SCOC: variants seen among roughly 807,000 people sequenced by gnomAD.
SCOC encodes short coiled coil protein.
In SCOC, 7 loss-of-function variants were observed where a neutral mutation model predicts 9.9. That is an observed-to-expected ratio of 0.71 (90% CI 0.40 to 1.33). The LOEUF is 1.33. Ranked by LOEUF, SCOC falls within the 40% of genes most tolerant of loss-of-function variation. The pLI is 0.01. For missense variants in SCOC, 66 were observed against 89.7 expected (o/e 0.74, Z 1.07); for synonymous variants, 19 against 28.2 (o/e 0.67, Z 1.03).
chr4:140,349,160 C>T (rs1726869702), intron 2 of SCOC, among the ~76,000 whole-genome samples: 1 of 152,176 alleles, frequency 6.6e-6, no homozygotes, highest in Non-Finnish European at 1.5e-5. Context: ...ATTGTGATGA[C>T]AGAATGACAA....
chr4:140,264,326 C>A (rs756611902), intron 1 of SCOC, among the ~76,000 whole-genome samples: 4 of 152,102 alleles, frequency 2.6e-5, no homozygotes, highest in Non-Finnish European at 5.9e-5. Flanking sequence ...AATGTGGGTT[C>A]TGGACTGCTT....
chr4:140,271,209 G>C (rs904504972), intron 1 of SCOC, among the ~76,000 whole-genome samples: 35 of 152,220 alleles, frequency 2.3e-4, no homozygotes, highest in Non-Finnish European at 4.7e-4. Context: ...GACGATGGAT[G>C]ATGGGCATTG....
chr4:140,259,831 A>G (rs1214521714), intron 1 of SCOC, among the ~76,000 whole-genome samples: 2 of 152,244 alleles, frequency 1.3e-5, no homozygotes, highest in Admixed American at 6.5e-5. Context: ...TCCATGAAGC[A>G]GCTCTTCAAT....
intron 1 of SCOC, chr4:140,314,401 T>C (rs1732248995): frequency 6.6e-6 from 1 of 152,578 alleles, no homozygotes; most frequent in Non-Finnish European, 1.5e-5. Context: ...AGGGTTGTTG[T>C]ACTGAAGCAG....
At chr4:140,289,132 G>A (rs1731393226) in intron 1 of SCOC, among the ~76,000 whole-genome samples, 1 of 152,126 alleles carries the variant, frequency 6.6e-6, no homozygotes, top group Non-Finnish European at 1.5e-5. Flanking sequence ...GTACTCCTTT[G>A]GGGACCAGAA....
At chr4:140,264,152 A>G (rs763769239) in intron 1 of SCOC, among the ~76,000 whole-genome samples, 1 of 152,142 alleles carries the variant, frequency 6.6e-6, no homozygotes, top group African/African-American at 2.4e-5. Flanking sequence ...GGCATGCACC[A>G]CCACGCCCAG....
chr4:140,272,963 C>G (rs28429900), intron 1 of SCOC, among the ~76,000 whole-genome samples: 1,649 of 152,356 alleles, frequency 0.011, 38 homozygotes, highest in African/African-American at 0.038. Context: ...GAAGGCCCCT[C>G]TTTTCTTACT....
intron 2 of SCOC, among the ~76,000 whole-genome samples, chr4:140,351,593 ATTG>A (rs1167267093): frequency 6.6e-6 from 1 of 151,908 alleles, no homozygotes; most frequent in East Asian, 1.9e-4. Context: ...AAGTGGCACA[ATTG>A]TTGTGTGCTT....
chr4:140,339,879 G>A (rs548529327), upstream of SCOC, among the ~76,000 whole-genome samples: 8 of 152,310 alleles, frequency 5.3e-5, no homozygotes, highest in South Asian at 2.1e-4. Context: ...CAACCATTGT[G>A]GAAGACAGTG....
At chr4:140,272,968 CT>C (rs1730882634) in intron 1 of SCOC, among the ~76,000 whole-genome samples, 1 of 152,200 alleles carries the variant, frequency 6.6e-6, no homozygotes. Flanking sequence ...CCCCTCTTTT[CT>C]TACTGTTTCT....
At chr4:140,340,808 T>TTTTTTTGTTTTC (rs140552446), upstream of SCOC, among the ~76,000 whole-genome samples, 1 of 111,814 alleles carries the variant, frequency 8.9e-6, no homozygotes, top group Non-Finnish European at 1.8e-5. Context: ...TTTTTTTTTT[T>TTTTTTTGTTTTC]AGAGGGATAG....
intron 1 of SCOC, among the ~76,000 whole-genome samples, chr4:140,337,816 A>T (rs1412768864): frequency 6.6e-6 from 1 of 152,166 alleles, no homozygotes; most frequent in Non-Finnish European, 1.5e-5. Context: ...ATAGCTTACC[A>T]ACCAAAAAAA....
At chr4:140,323,959 C>T (rs1344957451) in intron 1 of SCOC, among the ~76,000 whole-genome samples, 1 of 151,710 alleles carries the variant, frequency 6.6e-6, no homozygotes, top group Admixed American at 6.6e-5. Context: ...AAAATAAATG[C>T]AAAAAATGCT....
chr4:140,354,708 T>G (rs1285312441), intron 2 of SCOC, among the ~76,000 whole-genome samples: 1 of 152,014 alleles, frequency 6.6e-6, no homozygotes, highest in African/African-American at 2.4e-5. Context: ...GATTATATCC[T>G]TAAGGGTTTT....
intron 1 of SCOC, among the ~76,000 whole-genome samples, chr4:140,319,397 C>A (rs1329740992): frequency 2.0e-5 from 3 of 152,056 alleles, no homozygotes; most frequent in African/African-American, 7.2e-5. Flanking sequence ...GGCCCAAAAC[C>A]CAGAACTTCG....
intron 1 of SCOC, among the ~76,000 whole-genome samples, chr4:140,330,006 A>T (rs1156724321): frequency 6.6e-6 from 1 of 152,246 alleles, no homozygotes; most frequent in Non-Finnish European, 1.5e-5. Flanking sequence ...TTGCACACGC[A>T]TGTTTATAGC....
upstream of SCOC, among the ~76,000 whole-genome samples, chr4:140,339,512 C>T (rs1223988868): frequency 6.6e-6 from 1 of 152,180 alleles, no homozygotes; most frequent in African/African-American, 2.4e-5. Context: ...AGTGAACAGG[C>T]AACCTACGGA....
intron 2 of SCOC, among the ~76,000 whole-genome samples, chr4:140,364,931 AG>A (rs1578865377): frequency 1.3e-5 from 2 of 152,144 alleles, no homozygotes; most frequent in African/African-American, 4.8e-5. Flanking sequence ...CTTATTACAC[AG>A]GGTACTCAAT....
At chr4:140,299,476 AT>A (rs1474118377) in intron 1 of SCOC, among the ~76,000 whole-genome samples, 1 of 152,120 alleles carries the variant, frequency 6.6e-6, no homozygotes, top group East Asian at 1.9e-4. Flanking sequence ...GCCAGTGGGA[AT>A]TTCTTAAAGT....
Sources: gnomAD v4.1 joint callset for allele counts (sites outside exome capture counted in the v4.1 genomes callset) on GRCh38, gnomAD v4.1.1 for gene constraint, MANE v1.5 for transcripts, NCBI Gene and HGNC (gene_info 2026-07-23, HGNC 2026-07-21) for gene names.